Variants in TAFA5 observed in about 807,000 individuals in gnomAD.
The protein encoded by TAFA5 is TAFA chemokine like family member 5, also known as chemokine-like protein TAFA-5.
Under a neutral mutation model 15.3 loss-of-function variants are expected in TAFA5, and 6 were observed. That is an observed-to-expected ratio of 0.39 (90% CI 0.21 to 0.77). The LOEUF is 0.77. Ranked by LOEUF, TAFA5 falls within the 30% of genes least tolerant of loss-of-function variation. The pLI is 0.41. For missense variants in TAFA5, 161 were observed against 193.1 expected, an observed-to-expected ratio of 0.83 and a Z score of 0.98; for synonymous variants, 103 against 80.7, an observed-to-expected ratio of 1.28 and a Z score of -1.48.
intron 2 of TAFA5, among the ~76,000 whole-genome samples, chr22:48,671,381 T>C (rs1366592037): frequency 1.3e-5 from 2 of 152,196 alleles, no homozygotes; most frequent in Non-Finnish European, 1.5e-5. Flanking sequence ...TCTGGGGTGC[T>C]CTGTTGAGAA....
intron 1 of TAFA5, among the ~76,000 whole-genome samples, chr22:48,528,352 C>A (rs2147111159): frequency 6.6e-6 from 1 of 152,258 alleles, no homozygotes; most frequent in Admixed American, 6.5e-5. Flanking sequence ...GGAAAGGGTT[C>A]TGCTCTGGGG....
In TAFA5 at chr22:48,490,701, A is replaced by G. The variant is rs867735130; in HGVS notation, c.112+997A>G. ...GGCTTCTTGTCTTCAGCGGGAGAAT[A>G]GGACGGGTGCTGGGGAGCACCTGTC... On this transcript the variant is annotated intron_variant, in intron 1 of 3. Coordinates refer to ENST00000402357, the MANE Select transcript of TAFA5 (RefSeq NM_001082967.3). The surrounding 1 kb of genome is among the most constrained non-coding windows in gnomAD (Gnocchi z 5.8). Among the ~76,000 whole-genome samples the G allele has an allele frequency of 2.1e-5, 3 of 142,050 alleles. No individual in the cohort carries two copies. Among genetic ancestry groups the G allele is most frequent in the Non-Finnish European group, 4.5e-5 (3 of 66,472 alleles). The allele number at this position is 142,050 out of a possible 152,430, so 93.2% of individuals were successfully genotyped here.
chr22:48,633,213 G>A (rs1443133856), intron 1 of TAFA5, among the ~76,000 whole-genome samples: 1 of 152,184 alleles, frequency 6.6e-6, no homozygotes, highest in Non-Finnish European at 1.5e-5. Context: ...GACCTTTGCG[G>A]GGAATGAACC....
chr22:48,670,975 C>G (rs1231692007), intron 2 of TAFA5, among the ~76,000 whole-genome samples: 1 of 152,174 alleles, frequency 6.6e-6, no homozygotes, highest in African/African-American at 2.4e-5. Context: ...TTGCTCATTA[C>G]CCATAAATTT....
intron 1 of TAFA5, among the ~76,000 whole-genome samples, chr22:48,533,964 C>A (rs1378317497): frequency 9.9e-5 from 15 of 152,126 alleles, no homozygotes; most frequent in Non-Finnish European, 1.5e-5. Flanking sequence ...GGGTCAGCAC[C>A]CCAAAGTTAG....
At chr22:48,722,774 C>T (rs1031648803) in intron 3 of TAFA5, among the ~76,000 whole-genome samples, 8 of 151,716 alleles carry the variant, frequency 5.3e-5, no homozygotes, top group African/African-American at 1.2e-4. Flanking sequence ...CAGTCATGGC[C>T]GGGGGTACAT....
At chr22:48,611,896 G>T (rs1925423198) in intron 1 of TAFA5, among the ~76,000 whole-genome samples, 1 of 152,228 alleles carries the variant, frequency 6.6e-6, no homozygotes, top group Admixed American at 6.5e-5. Flanking sequence ...GAGTCAGGAG[G>T]GAGGGGCCCA....
At chr22:48,611,178 G>A (rs1031019322) in intron 1 of TAFA5, among the ~76,000 whole-genome samples, 5 of 152,118 alleles carry the variant, frequency 3.3e-5, no homozygotes, top group South Asian at 2.1e-4. Flanking sequence ...CAAGCGATCC[G>A]CCCGCCTTGG....
intron 1 of TAFA5, among the ~76,000 whole-genome samples, chr22:48,559,187 T>C (rs1923143255): frequency 6.6e-6 from 1 of 152,232 alleles, no homozygotes; most frequent in Admixed American, 6.5e-5. Flanking sequence ...CATGGTGTTT[T>C]GTGGTGGCAG....
intron 1 of TAFA5, among the ~76,000 whole-genome samples, chr22:48,606,806 G>T (rs1267461843): frequency 1.3e-5 from 2 of 152,192 alleles, no homozygotes; most frequent in Non-Finnish European, 2.9e-5. Context: ...GGGAGGAAAG[G>T]GGCCTAGGGC....
At chr22:48,539,089 C>G (rs748547520) in intron 1 of TAFA5, 4 of 261,730 alleles carry the variant, frequency 1.5e-5, no homozygotes, top group Non-Finnish European at 2.3e-5. Flanking sequence ...TCTTCCAGCT[C>G]CGAGCTGCTG....
intron 1 of TAFA5, among the ~76,000 whole-genome samples, chr22:48,548,019 C>T (rs1417449687): frequency 6.6e-6 from 1 of 152,162 alleles, no homozygotes; most frequent in Non-Finnish European, 1.5e-5. Context: ...GTTCTTCCTG[C>T]CTGCGTCTTC....
At chr22:48,719,357 C>T (rs1929499264) in intron 3 of TAFA5, among the ~76,000 whole-genome samples, 1 of 152,224 alleles carries the variant, frequency 6.6e-6, no homozygotes, top group Non-Finnish European at 1.5e-5. Context: ...CCAGAGGCTC[C>T]AAGTCCGTCT....
intron 1 of TAFA5, among the ~76,000 whole-genome samples, chr22:48,641,202 T>C (rs1255039439): frequency 6.6e-6 from 1 of 152,174 alleles, no homozygotes; most frequent in East Asian, 1.9e-4. Flanking sequence ...GTCCGTGGTC[T>C]CTGGTGGTTC....
chr22:48,611,437 GAC>G (rs900256638), intron 1 of TAFA5, among the ~76,000 whole-genome samples: 3 of 152,236 alleles, frequency 2.0e-5, no homozygotes, highest in African/African-American at 7.2e-5. Context: ...TGGGGCAGCA[GAC>G]ACAGCCACCC....
At chr22:48,746,893 C>T (rs1050169463) in intron 3 of TAFA5, among the ~76,000 whole-genome samples, 2 of 152,328 alleles carry the variant, frequency 1.3e-5, no homozygotes, top group South Asian at 2.1e-4. Context: ...CAGCCATCCT[C>T]AGGCAGCTCA....
At chr22:48,542,619 T>TG (rs1378072756) in intron 1 of TAFA5, among the ~76,000 whole-genome samples, 1 of 81,576 alleles carries the variant, frequency 1.2e-5, no homozygotes, top group Non-Finnish European at 2.4e-5. Flanking sequence ...GGTGTGTGTG[T>TG]GGTGTGTGTG....
chr22:48,711,423 T>C (rs938804329), intron 3 of TAFA5, among the ~76,000 whole-genome samples: 1 of 151,864 alleles, frequency 6.6e-6, no homozygotes, highest in Non-Finnish European at 1.5e-5. Context: ...GTGGGCCCTG[T>C]AATCTTCCCA....
intron 2 of TAFA5, among the ~76,000 whole-genome samples, chr22:48,674,247 G>A (rs1312953090): frequency 6.6e-6 from 1 of 152,170 alleles, no homozygotes; most frequent in African/African-American, 2.4e-5. Context: ...TAGTTACAGT[G>A]AGACGGTATG....
Sources: gnomAD v4.1 joint callset for allele counts (sites outside exome capture counted in the v4.1 genomes callset) on GRCh38, gnomAD v4.1.1 for gene constraint, Gnocchi (gnomAD v3.1) non-coding constraint, MANE v1.5 for transcripts, NCBI Gene and HGNC (gene_info 2026-07-23, HGNC 2026-07-21) for gene names.